Variants in PCSK1 observed in about 807,000 individuals in gnomAD.
PCSK1 encodes the protein neuroendocrine convertase 1.
A neutral mutation model predicts 90.6 loss-of-function variants in PCSK1; 56 were observed. That is an observed-to-expected ratio of 0.62 (90% CI 0.50 to 0.77). The LOEUF is 0.77. PCSK1 is among the 30% of genes least tolerant of loss of function. The pLI, the probability that PCSK1 is intolerant of heterozygous loss-of-function variation, is 0.00. For missense variants in PCSK1, 801 were observed against 932.6 expected (o/e 0.86, Z 1.84); for synonymous variants, 348 against 342.4 (o/e 1.02, Z -0.18).
chr5:96,395,814 A>G (rs760089440), intron 12 of PCSK1, among the ~76,000 whole-genome samples: 6 of 142,034 alleles, frequency 4.2e-5, no homozygotes, highest in Non-Finnish European at 7.5e-5. Context: ...AAAGAGGTCT[A>G]TAAAGTTCAA....
chr5:96,413,128 C>T (rs1760827088), intron 6 of PCSK1: 1 of 166,410 alleles, frequency 6.0e-6, no homozygotes, highest in South Asian at 1.9e-4. Flanking sequence ...AGAGGCCATC[C>T]TTTCATGTGT....
At chr5:96,412,516 C>T (rs769355548) in intron 6 of PCSK1, 26 bp from the exon 7 acceptor site, 1 of 1,605,726 alleles carries the variant, frequency 6.2e-7, no homozygotes, top group Admixed American at 1.7e-5. Context: ...AACAAAGACA[C>T]ACAAAGGTTG....
At chr5:96,425,024 GAA>G (rs1267867763) in intron 3 of PCSK1, among the ~76,000 whole-genome samples, 11 of 71,614 alleles carry the variant, frequency 1.5e-4, no homozygotes, top group African/African-American at 5.2e-4. Context: ...AAGAAAGAAA[GAA>G]AGAAAGAAAG....
intron 13 of PCSK1, 25 bp downstream of exon 13, chr5:96,394,839 A>T: frequency 6.2e-7 from 1 of 1,612,048 alleles, no homozygotes; most frequent in East Asian, 2.2e-5. Context: ...AAAAGAGAGC[A>T]TGCCAAGAAC....
At chr5:96,425,674 A>T in intron 3 of PCSK1, 146 bp downstream of exon 3, 1 of 657,670 alleles carries the variant, frequency 1.5e-6, no homozygotes, top group Non-Finnish European at 2.7e-6. Flanking sequence ...GATCAAGAAG[A>T]TCCCATCAGC....
intron 4 of PCSK1, 36 bp from the exon 5 acceptor site, chr5:96,421,992 TTAAAA>T (rs1561374569): frequency 2.6e-5 from 10 of 388,362 alleles, no homozygotes; most frequent in Admixed American, 5.3e-5. Context: ...TGTGGCAGCA[TTAAAA>T]AAAAAAAAAA....
chr5:96,401,004 G>A (rs1013819307), intron 9 of PCSK1, among the ~76,000 whole-genome samples: 2 of 146,836 alleles, frequency 1.4e-5, no homozygotes, highest in African/African-American at 2.5e-5. Context: ...GGAGAATGGC[G>A]TGAACCTGGG....
rs753643417 is a variant in PCSK1 at position 96,399,775 on chromosome 5, G to C, written c.1430+178C>G. Among the ~76,000 whole-genome samples the C allele has an allele frequency of 7.3e-4, 111 of 152,108 alleles. 1 individual carries two copies. The highest frequency in any genetic ancestry group is 3.3e-3 in the Admixed American group (51 of 15,262). On this transcript the variant is annotated intron_variant, in intron 10 of 13. Transcript: ENST00000311106. ...AGAGGAACATGCAAATGGTTAACAT[G>C]GTTTCTAGAGCTTTGGTCTCTTAGT... is the stretch of plus-strand genomic sequence containing the variant.
intron 12 of PCSK1, among the ~76,000 whole-genome samples, chr5:96,395,915 A>G (rs1025253251): frequency 2.0e-5 from 3 of 152,252 alleles, no homozygotes; most frequent in Non-Finnish European, 4.4e-5. Context: ...AGGCTCAACA[A>G]TTATAAATAA....
chr5:96,432,132 G>GC, intron 1 of PCSK1: 1 of 1,535,558 alleles, frequency 6.5e-7, no homozygotes, highest in Non-Finnish European at 8.7e-7. Flanking sequence ...AGTCAGTTCG[G>GC]CATCTCGACC....
At chr5:96,418,441 T>C (rs1414030218) in intron 5 of PCSK1, among the ~76,000 whole-genome samples, 9 of 152,220 alleles carry the variant, frequency 5.9e-5, no homozygotes, top group Admixed American at 5.9e-4. Context: ...GTAATTGGTG[T>C]TGAAATAATG....
At chr5:96,428,618 A>G (rs1761391770) in intron 2 of PCSK1, among the ~76,000 whole-genome samples, 1 of 152,198 alleles carries the variant, frequency 6.6e-6, no homozygotes, top group South Asian at 2.1e-4. Context: ...AAGAGATCAG[A>G]TGGTTTGGAT....
At chr5:96,430,413 G>A (rs921307249) in intron 1 of PCSK1, among the ~76,000 whole-genome samples, 7 of 152,162 alleles carry the variant, frequency 4.6e-5, no homozygotes, top group Non-Finnish European at 1.0e-4. Flanking sequence ...AAATAGAGAA[G>A]CTTAGGCCCT....
chr5:96,432,752 C>T, intron 1 of PCSK1, 111 bp downstream of exon 1: 1 of 832,444 alleles, frequency 1.2e-6, no homozygotes, highest in Non-Finnish European at 2.0e-6. Flanking sequence ...TTGCTCTTTG[C>T]TACTCTGGGC....
In PCSK1 at chr5:96,392,851, A is replaced by T; in HGVS notation, c.*150T>A. Reference sequence around the variant, plus strand: ...CTTCCTGCTTGAGCTCATCCCCTTCACATGTACAGTTTAGGGAGAAAAAGA... The same window carrying T: ...CTTCCTGCTTGAGCTCATCCCCTTCTCATGTACAGTTTAGGGAGAAAAAGA... On this transcript the variant is annotated 3_prime_UTR_variant, in exon 14 of 14. Transcript: ENST00000311106. 1 of 773,078 alleles carries T rather than the reference A, an allele frequency of 1.3e-6. No homozygotes were observed. The highest frequency in any genetic ancestry group is 2.2e-6 in the Non-Finnish European group (1 of 455,864). The allele number at this position is 773,078 out of a possible 1,614,324, so 47.9% of individuals were successfully genotyped here.
chr5:96,401,421 C>T (rs896656465), intron 9 of PCSK1, among the ~76,000 whole-genome samples: 8 of 152,030 alleles, frequency 5.3e-5, no homozygotes, highest in Admixed American at 3.3e-4. Context: ...TGGGCCAGAG[C>T]GATGAGAACC....
At chr5:96,415,839 T>G (rs954551499) in intron 6 of PCSK1, among the ~76,000 whole-genome samples, 194 bp downstream of exon 6, 2 of 152,198 alleles carry the variant, frequency 1.3e-5, no homozygotes, top group Non-Finnish European at 2.9e-5. Flanking sequence ...TAGGCTATAT[T>G]CAACTATCCA....
In PCSK1 at chr5:96,394,999, T is replaced by C; in HGVS notation, c.1749A>G (p.Arg583=). The C allele has an allele frequency of 6.2e-7, 1 of 1,613,854 alleles. No homozygotes were observed. Among genetic ancestry groups the C allele is most frequent in the Non-Finnish European group, 8.5e-7 (1 of 1,179,688 alleles). ...GCAAAATCAGCTTCCAGTTCACAAT[T>C]CTTCCTTCATTTTGAATTCTTCCAG... ...DMSGRIQNEG[R]IVNWKLILHG... is the part of the protein sequence containing the mutation. Residue 583 remains arginine, a synonymous_variant, in exon 13 of 14, where the codon AGA becomes AGG. Coordinates refer to ENST00000311106, the MANE Select transcript of PCSK1 (RefSeq NM_000439.5).
intron 9 of PCSK1, among the ~76,000 whole-genome samples, chr5:96,404,121 TAGTATATTTATCTCCA>T (rs1340552709): frequency 6.6e-6 from 1 of 152,196 alleles, no homozygotes; most frequent in Non-Finnish European, 1.5e-5. Context: ...CTTCTTCTCT[TAGTATATTTATCTCCA>T]AGATACACCT....
Sources: allele counts gnomAD v4.1 joint callset (sites outside exome capture counted in the v4.1 genomes callset), GRCh38; gene constraint gnomAD v4.1.1; transcripts MANE v1.5; gene names NCBI Gene and HGNC (gene_info 2026-07-23, HGNC 2026-07-21).